The following MSRB3 variants were observed in gnomAD, a reference collection of about 807,000 sequenced individuals.
MSRB3 encodes methionine-R-sulfoxide reductase B3.
Under a neutral mutation model 21.0 loss-of-function variants are expected in MSRB3, and 13 were observed. The ratio of observed to expected loss-of-function variants is 0.62; its 90% CI spans 0.40 to 0.98. The LOEUF (loss-of-function observed/expected upper bound fraction) is 0.98. Ranked by LOEUF, MSRB3 falls within the 50% of genes least tolerant of loss-of-function variation. The probability of loss-of-function intolerance (pLI) is 0.00; values close to 1 mark genes in which losing one functional copy is unlikely to be tolerated. For synonymous variants in MSRB3, 87 were observed against 88.6 expected, an observed-to-expected ratio of 0.98 and a Z score of 0.10; for missense variants, 199 against 230.3, an observed-to-expected ratio of 0.86 and a Z score of 0.88.
At chr12:65,302,523 T>C (rs1054130213) in intron 1 of MSRB3, among the ~76,000 whole-genome samples, 7 of 152,174 alleles carry the variant, frequency 4.6e-5, no homozygotes, top group African/African-American at 1.7e-4. Flanking sequence ...TACATTGTTT[T>C]CCATGTAGTA....
At chr12:65,361,213 C>G (rs1877679455) in intron 4 of MSRB3, among the ~76,000 whole-genome samples, 2 of 152,006 alleles carry the variant, frequency 1.3e-5, no homozygotes, top group South Asian at 4.1e-4. Flanking sequence ...TAATATGTGT[C>G]AGGACCACCT....
At chr12:65,404,681 A>G (rs563328275) in intron 5 of MSRB3, among the ~76,000 whole-genome samples, 2 of 152,306 alleles carry the variant, frequency 1.3e-5, no homozygotes, top group East Asian at 1.9e-4. Flanking sequence ...GGTGTATAGC[A>G]TGATGTTTTG....
At chr12:65,382,959 A>C (rs974371378) in intron 5 of MSRB3, among the ~76,000 whole-genome samples, 29 of 152,094 alleles carry the variant, frequency 1.9e-4, no homozygotes, top group Non-Finnish European at 3.8e-4. Context: ...TTTATGATGA[A>C]ATATGATTTT....
chr12:65,360,077 CTG>C (rs1297790095), intron 4 of MSRB3, among the ~76,000 whole-genome samples: 1 of 152,056 alleles, frequency 6.6e-6, no homozygotes, highest in Non-Finnish European at 1.5e-5. Context: ...GGCCTTGTCT[CTG>C]TGTGTGTCTG....
rs1883435199 is a variant in MSRB3 at position 65,463,683 on chromosome 12, C to T, written c.*361C>T. On this transcript the variant is annotated 3_prime_UTR_variant, in exon 7 of 7. Transcript: ENST00000308259. The stretch of plus-strand genomic sequence containing the variant: ...AACATGAAAATAGAGATCTCCTCTG[C>T]AGTGTAGAGACCAGAGCTGGGCAGT... 5 of 319,626 alleles carry T rather than the reference C, an allele frequency of 1.6e-5. No homozygotes were observed. Among genetic ancestry groups the T allele is most frequent in the Non-Finnish European group, 2.4e-5 (4 of 167,348 alleles). The allele number at this position is 319,626 out of a possible 1,614,324, so 19.8% of individuals were successfully genotyped here.
At chr12:65,381,178 A>G (rs551683869) in intron 5 of MSRB3, among the ~76,000 whole-genome samples, 1 of 152,340 alleles carries the variant, frequency 6.6e-6, no homozygotes, top group South Asian at 2.1e-4. Flanking sequence ...TAGAGAATTT[A>G]TAATAATTTG....
intron 2 of MSRB3, among the ~76,000 whole-genome samples, chr12:65,321,155 A>G (rs1291362264): frequency 6.6e-6 from 1 of 151,930 alleles, no homozygotes; most frequent in Non-Finnish European, 1.5e-5. Context: ...AGACTATATA[A>G]TTTACTTACT....
At chr12:65,376,161 C>G (rs1878605992) in intron 5 of MSRB3, among the ~76,000 whole-genome samples, 1 of 150,132 alleles carries the variant, frequency 6.7e-6, no homozygotes, top group Non-Finnish European at 1.5e-5. Context: ...GCTCTTTCGC[C>G]CAGGCCAGAG....
intron 4 of MSRB3, among the ~76,000 whole-genome samples, chr12:65,348,522 C>G (rs1436488906): frequency 6.6e-6 from 1 of 152,044 alleles, no homozygotes; most frequent in Non-Finnish European, 1.5e-5. Context: ...TTTTGTTGAT[C>G]TTTTCAAAAA....
At chr12:65,336,979 C>CA (rs1555203511) in intron 4 of MSRB3, among the ~76,000 whole-genome samples, 2 of 152,212 alleles carry the variant, frequency 1.3e-5, no homozygotes, top group Non-Finnish European at 2.9e-5. Flanking sequence ...CGCGGTGGCT[C>CA]ACGCCTGTAA....
intron 5 of MSRB3, among the ~76,000 whole-genome samples, chr12:65,425,529 T>G (rs1044667803): frequency 8.5e-5 from 13 of 152,166 alleles, no homozygotes; most frequent in African/African-American, 3.1e-4. Context: ...TGTAGCTTTT[T>G]GTTTTATGAC....
At chr12:65,392,330 A>C (rs1015298731) in intron 5 of MSRB3, among the ~76,000 whole-genome samples, 15 of 152,166 alleles carry the variant, frequency 9.9e-5, no homozygotes, top group Non-Finnish European at 1.8e-4. Flanking sequence ...TATTTTTTCT[A>C]CCATTTTACC....
intron 5 of MSRB3, among the ~76,000 whole-genome samples, chr12:65,452,302 C>T (rs1232972591): frequency 8.6e-5 from 13 of 152,024 alleles, no homozygotes. Context: ...AGATAAATGA[C>T]TTTATTTTTC....
intron 4 of MSRB3, among the ~76,000 whole-genome samples, chr12:65,364,417 C>A (rs554442000): frequency 1.3e-5 from 2 of 152,016 alleles, no homozygotes; most frequent in Non-Finnish European, 2.9e-5. Context: ...CCAAAAGAAA[C>A]GGTTGAATAG....
At chr12:65,308,735 T>A in intron 2 of MSRB3, 80 bp downstream of exon 2, 1 of 1,594,688 alleles carries the variant, frequency 6.3e-7, no homozygotes, top group Non-Finnish European at 8.6e-7. Context: ...TACACCATCA[T>A]GCTTTGCTAA....
At chr12:65,425,261 A>T (rs1388450739) in intron 5 of MSRB3, among the ~76,000 whole-genome samples, 1 of 151,112 alleles carries the variant, frequency 6.6e-6, no homozygotes, top group Non-Finnish European at 1.5e-5. Flanking sequence ...AGGTGAAGTA[A>T]GTCTCTTGTA....
chr12:65,350,271 C>A (rs1336886652), intron 4 of MSRB3, among the ~76,000 whole-genome samples: 1 of 151,628 alleles, frequency 6.6e-6, no homozygotes, highest in South Asian at 2.1e-4. Context: ...TGATCTATAT[C>A]TCTGTTTTGG....
At position 65,281,141 on chromosome 12, in the gene MSRB3, A is replaced by T. The variant is rs572921611; in HGVS notation, c.-52+2276A>T. On this transcript the variant is annotated intron_variant, in intron 1 of 6. Transcript: ENST00000308259. ...CTACTTGGGAAGCCAAAGTGGGAGG[A>T]TTGCTTGGGCCAGGGAGATCGAGGC... Among the ~76,000 whole-genome samples the T allele has an allele frequency of 1.1e-4, 16 of 152,252 alleles. 1 individual carries two copies. In the South Asian group the frequency reaches 1.9e-3, roughly 18 times the overall value.
At chr12:65,298,430 A>G (rs1249123209) in intron 1 of MSRB3, among the ~76,000 whole-genome samples, 1 of 152,254 alleles carries the variant, frequency 6.6e-6, no homozygotes, top group Non-Finnish European at 1.5e-5. Context: ...GATTCTTTGA[A>G]AAACATCTTT....
Sources: gnomAD v4.1 joint callset for allele counts (sites outside exome capture counted in the v4.1 genomes callset) on GRCh38, gnomAD v4.1.1 for gene constraint, MANE v1.5 for transcripts, NCBI Gene and HGNC (gene_info 2026-07-23, HGNC 2026-07-21) for gene names.